Variants in PPP2R2A observed in about 807,000 individuals in gnomAD.
The protein encoded by PPP2R2A is serine/threonine-protein phosphatase 2A 55 kDa regulatory subunit B alpha isoform.
PPP2R2A carries 9 observed loss-of-function variants against 53.2 expected under a neutral mutation model. The observed-to-expected ratio is 0.17, with a 90% CI of 0.10 to 0.30. The LOEUF (loss-of-function observed/expected upper bound fraction) is 0.30. PPP2R2A is among the 10% of genes least tolerant of loss of function. The probability of loss-of-function intolerance (pLI) is 1.00; values close to 1 mark genes in which losing one functional copy is unlikely to be tolerated. For missense variants in PPP2R2A, 235 were observed against 534.6 expected (o/e 0.44, Z 5.53); for synonymous variants, 169 against 174.2 (o/e 0.97, Z 0.23).
In PPP2R2A at chr8:26,337,598, A is replaced by G. The variant is rs182943142; in HGVS notation, c.83-1292A>G. On this transcript the variant is annotated intron_variant, in intron 2 of 9. Transcript: ENST00000380737. ...TCAGTACTTACTGGTGTTTGGCTTT[A>G]TGTACTAGCCCAGTATATTCAGTTT... Among the ~76,000 whole-genome samples the G allele has an allele frequency of 7.2e-4, 109 of 152,336 alleles. 1 individual carries two copies. The highest frequency in any genetic ancestry group is 4.1e-4 in the Non-Finnish European group (28 of 68,022).
At chr8:26,301,817 C>T (rs1275667986) in intron 2 of PPP2R2A, among the ~76,000 whole-genome samples, 1 of 152,144 alleles carries the variant, frequency 6.6e-6, no homozygotes, top group Non-Finnish European at 1.5e-5. Context: ...TTGCCTTTTT[C>T]AATACATTGA....
chr8:26,360,783 AT>A lies in PPP2R2A; in HGVS notation c.460-189del. The A allele has an allele frequency of 1.9e-6, 1 of 533,758 alleles. No homozygotes were observed. The highest frequency in any genetic ancestry group is 3.1e-5 in the South Asian group (1 of 32,632). The allele number at this position is 533,758 out of a possible 1,614,324, so 33.1% of individuals were successfully genotyped here. A position where few individuals can be genotyped will look rare whatever the true frequency, so the allele number is the denominator to read the frequency against. On this transcript the variant is annotated intron_variant, in intron 5 of 9. Transcript: ENST00000380737. This position sits in a 1 kb window ranked among gnomAD's most constrained non-coding sequence, Gnocchi z 4.5. ...TATTGCAACCAGTAAAAGAAGATATATTATCCACATTGTTCATTTTTTCTTC... is the reference window on the plus strand; with the variant it reads ...TATTGCAACCAGTAAAAGAAGATATATATCCACATTGTTCATTTTTTCTTC...
Position 26,370,006 on chromosome 8 carries a change from A to T in PPP2R2A, c.1065-128A>T. On this transcript the variant is annotated intron_variant, in intron 9 of 9. Transcript: ENST00000380737. The surrounding 1 kb of genome is among the most constrained non-coding windows in gnomAD (Gnocchi z 6.1). Reference sequence around the variant, plus strand: ...TATTCTAGTGATTGAGTTGATGTCAACAGCCCCTGTCCCTTAGTTTAAATC... The same window carrying T: ...TATTCTAGTGATTGAGTTGATGTCATCAGCCCCTGTCCCTTAGTTTAAATC... The T allele has an allele frequency of 1.1e-6, 1 of 894,704 alleles. No homozygotes were observed. The highest frequency in any genetic ancestry group is 1.7e-6 in the Non-Finnish European group (1 of 590,722). 55.4% of individuals were successfully genotyped at this position (894,704 alleles called of 1,614,324 possible).
chr8:26,306,292 A>G (rs879816186), intron 2 of PPP2R2A, among the ~76,000 whole-genome samples: 28 of 151,506 alleles, frequency 1.8e-4, no homozygotes, highest in East Asian at 1.8e-3. Context: ...CCTGGCCAAC[A>G]TGGTGAAACA....
chr8:26,301,556 G>C (rs1473731032), intron 2 of PPP2R2A, among the ~76,000 whole-genome samples: 3 of 151,936 alleles, frequency 2.0e-5, no homozygotes, highest in African/African-American at 7.3e-5. Context: ...AGGCTGGTCT[G>C]CTGATGGCGT....
rs1462070383 is a variant in PPP2R2A, at chr8:26,362,357, TAGTC to T, written c.638-323_638-320del. On this transcript the variant is annotated intron_variant, in intron 6 of 9. Transcript: ENST00000380737. This position sits in a 1 kb window ranked among gnomAD's most constrained non-coding sequence, Gnocchi z 4.4. ...TAAAAATACAAAAAAAAAAAAAAATTAGTCAGTTGTAGTGGTGTGCGCCTGTAAT... is the reference window on the plus strand; with the variant it reads ...TAAAAATACAAAAAAAAAAAAAAATTAGTTGTAGTGGTGTGCGCCTGTAAT... 8.0e-5 allele frequency among the ~76,000 whole-genome samples: 12 copies of T among 150,220 alleles called. No individual in the cohort carries two copies. Among genetic ancestry groups the T allele is most frequent in the East Asian group, 2.0e-4 (1 of 5,118 alleles).
At chr8:26,323,124 T>G (rs1802925000) in intron 2 of PPP2R2A, among the ~76,000 whole-genome samples, 1 of 152,236 alleles carries the variant, frequency 6.6e-6, no homozygotes, top group Non-Finnish European at 1.5e-5. Context: ...TCTGGCTTTC[T>G]TTATCTATAC....
At chr8:26,298,117 T>C (rs1462331635) in intron 2 of PPP2R2A, among the ~76,000 whole-genome samples, 7 of 152,222 alleles carry the variant, frequency 4.6e-5, no homozygotes, top group Admixed American at 6.5e-5. Context: ...GGGGAGGCCC[T>C]TGTGGGCTAT....
intron 4 of PPP2R2A, among the ~76,000 whole-genome samples, chr8:26,355,568 AAGTT>A (rs1485709482): frequency 1.3e-5 from 2 of 152,122 alleles, no homozygotes. Flanking sequence ...TGAGGATTAA[AAGTT>A]AGTAATGACA....
At chr8:26,347,923 A>G (rs1804302825) in intron 3 of PPP2R2A, among the ~76,000 whole-genome samples, 2 of 152,168 alleles carry the variant, frequency 1.3e-5, no homozygotes, top group African/African-American at 4.8e-5. Flanking sequence ...TCATCGAATG[A>G]CTTGTATTTT....
chr8:26,327,120 G>C (rs1803129079), intron 2 of PPP2R2A, among the ~76,000 whole-genome samples: 1 of 152,306 alleles, frequency 6.6e-6, no homozygotes, highest in East Asian at 1.9e-4. Context: ...GGAAGCGGGT[G>C]CCTGAGTGGG....
intron 2 of PPP2R2A, among the ~76,000 whole-genome samples, chr8:26,307,640 A>G (rs1802083189): frequency 6.6e-6 from 1 of 152,204 alleles, no homozygotes. Flanking sequence ...AATTCTTTTA[A>G]TCTTTAAGAA....
In PPP2R2A at chr8:26,369,625, G is replaced by C. The variant is rs1049311009; in HGVS notation, c.1065-509G>C. Among the ~76,000 whole-genome samples the C allele has an allele frequency of 5.9e-5, 9 of 152,146 alleles. No homozygotes were observed. In the South Asian group the frequency reaches 1.2e-3, roughly 21 times the overall value. On this transcript the variant is annotated intron_variant, in intron 9 of 9. Transcript: ENST00000380737. Reference sequence around the variant, plus strand: ...GCCAGAATGGTCTCGATCTCCTGACGTCGTGATCTGCCCACCTTGGCCTCC... The same window carrying C: ...GCCAGAATGGTCTCGATCTCCTGACCTCGTGATCTGCCCACCTTGGCCTCC...
chr8:26,364,512 G>A (rs1228358633), intron 8 of PPP2R2A, among the ~76,000 whole-genome samples: 1 of 152,186 alleles, frequency 6.6e-6, no homozygotes, highest in Admixed American at 6.5e-5. Flanking sequence ...GGAACAGGGT[G>A]AGGGACAGCA....
At chr8:26,292,519 A>G in intron 1 of PPP2R2A, 2 of 872,794 alleles carry the variant, frequency 2.3e-6, no homozygotes, top group Non-Finnish European at 2.7e-6. Context: ...TTTTCCCAAA[A>G]GGGTTTGGTA....
chr8:26,306,475 GAAA>G (rs35167661), intron 2 of PPP2R2A, among the ~76,000 whole-genome samples: 39 of 108,254 alleles, frequency 3.6e-4, no homozygotes, highest in African/African-American at 9.4e-4. Flanking sequence ...GACTCTGTCT[GAAA>G]AAAAAAAAAA....
chr8:26,361,188 G>C (rs780090655), intron 6 of PPP2R2A, 37 bp downstream of exon 6: 4 of 1,518,036 alleles, frequency 2.6e-6, no homozygotes, highest in South Asian at 2.6e-5. Flanking sequence ...TGGTGAAGAA[G>C]GCATGTTGTG....
intron 2 of PPP2R2A, among the ~76,000 whole-genome samples, chr8:26,318,764 C>CTGGA (rs1246550563): frequency 6.6e-6 from 1 of 152,164 alleles, no homozygotes; most frequent in East Asian, 1.9e-4. Context: ...TAGACAGAAC[C>CTGGA]TGGATATTTG....
intron 3 of PPP2R2A, among the ~76,000 whole-genome samples, chr8:26,351,329 C>G (rs770514422): frequency 2.0e-5 from 3 of 151,900 alleles, no homozygotes; most frequent in Non-Finnish European, 2.9e-5. Context: ...GTCCCTGTCT[C>G]CATGGCCCTC....
Sources: allele counts gnomAD v4.1 joint callset (sites outside exome capture counted in the v4.1 genomes callset), GRCh38; gene constraint gnomAD v4.1.1; non-coding constraint Gnocchi (gnomAD v3.1); transcripts MANE v1.5; gene names NCBI Gene and HGNC (gene_info 2026-07-23, HGNC 2026-07-21).